ASXL3: variants seen among roughly 807,000 people sequenced by gnomAD.
The protein encoded by ASXL3 is ASXL transcriptional regulator 3.
In ASXL3, 34 loss-of-function variants were observed where a neutral mutation model predicts 170.6. The ratio of observed to expected loss-of-function variants is 0.20; its 90% CI spans 0.15 to 0.27. The LOEUF (loss-of-function observed/expected upper bound fraction) is 0.27, where lower values mean the gene tolerates loss of function less well. Among genes scored for constraint, ASXL3 ranks in the 10% least tolerant of loss-of-function variants. The pLI, the probability that ASXL3 is intolerant of heterozygous loss-of-function variation, is 1.00. For synonymous variants in ASXL3, 1,002 were observed against 989.1 expected (o/e 1.01, Z -0.24); for missense variants, 2,592 against 2,695.3 (o/e 0.96, Z 0.85).
rs779423700 is a variant in ASXL3, at chr18:33,744,692, G to C, written c.4844G>C (p.Arg1615Thr). The change falls in exon 12 of 12, where the codon AGG becomes ACG. Residue 1615 changes from arginine to threonine, a missense_variant. By Grantham distance (71) the Arg-to-Thr change is moderately conservative. Transcript: ENST00000269197. ...ATTTGCTGGAATGATGATGGGATGA[G>C]GAGCACAGGACAGCCTCTGGTTACT... The part of the protein sequence containing the change: ...NRICWNDDGM[R>T]STGQPLVTHS... The C allele has an allele frequency of 6.2e-7, 1 of 1,611,156 alleles. No homozygotes were observed. Among genetic ancestry groups the C allele is most frequent in the Admixed American group, 1.7e-5 (1 of 59,518 alleles).
chr18:33,632,245 G>A (rs12957987), intron 2 of ASXL3, among the ~76,000 whole-genome samples: 60,275 of 151,798 alleles, frequency 0.4, 12,749 homozygotes, highest in Middle Eastern at 0.48. Flanking sequence ...ATTCTTATAG[G>A]ATTTTTTTCC....
At chr18:33,695,875 A>G (rs2066766998) in intron 8 of ASXL3, among the ~76,000 whole-genome samples, 1 of 152,184 alleles carries the variant, frequency 6.6e-6, no homozygotes, top group Admixed American at 6.6e-5. Context: ...TAATATTTAC[A>G]TAATTCTCTT....
chr18:33,622,587 G>A lies in ASXL3; in HGVS notation c.137+14911G>A, dbSNP rs115281299. Among the ~76,000 whole-genome samples, 831 of 152,214 alleles carry A rather than the reference G, an allele frequency of 5.5e-3. 10 individuals carry two copies. The highest frequency in any genetic ancestry group is 0.019 in the African/African-American group (795 of 41,540). ...TTTGCATGTTGCAGTCTGAAGGTGGGTAGTCCTATGAGTTATGAGATAGCT... is the reference window on the plus strand; with the variant it reads ...TTTGCATGTTGCAGTCTGAAGGTGGATAGTCCTATGAGTTATGAGATAGCT... On this transcript the variant is annotated intron_variant, in intron 2 of 11. Transcript: ENST00000269197.
At chr18:33,594,751 T>G (rs1306732937) in intron 1 of ASXL3, among the ~76,000 whole-genome samples, 1 of 152,066 alleles carries the variant, frequency 6.6e-6, no homozygotes, top group East Asian at 1.9e-4. Flanking sequence ...TTAATTTATA[T>G]ATATATAAAT....
In ASXL3 at chr18:33,670,756, A is replaced by G. The variant is rs918352189; in HGVS notation, c.561A>G (p.Leu187=). The G allele has an allele frequency of 1.3e-6, 2 of 1,558,106 alleles. No individual in the cohort carries two copies. Among genetic ancestry groups the G allele is most frequent in the Middle Eastern group, 1.7e-4 (1 of 6,006 alleles). Residue 187 remains leucine, a synonymous_variant, in exon 6 of 12, where the codon TTA becomes TTG. Transcript: ENST00000269197. ...KTVPRVVLTP[L]KVSDEQSDSP... is the part of the protein sequence containing the mutation. ...TTCCTCGTGTTGTTTTGACACCATTAAAGGTGTCTGATGAGCAGTCGGATT... is the reference window on the plus strand; with the variant it reads ...TTCCTCGTGTTGTTTTGACACCATTGAAGGTGTCTGATGAGCAGTCGGATT...
chr18:33,619,901 G>A (rs2065483090), intron 2 of ASXL3, among the ~76,000 whole-genome samples: 1 of 152,102 alleles, frequency 6.6e-6, no homozygotes, highest in Admixed American at 6.6e-5. Context: ...GGGAGGCTAA[G>A]TTATTAACAT....
At chr18:33,725,925 C>T (rs2145382749) in intron 8 of ASXL3, among the ~76,000 whole-genome samples, 1 of 152,222 alleles carries the variant, frequency 6.6e-6, no homozygotes, top group South Asian at 2.1e-4. Flanking sequence ...GTTTCCTCTA[C>T]CTGAACAATC....
rs141022157 is a variant in ASXL3, at chr18:33,578,269, C to A, written c.-363C>A. ...GAGCGGAGCATCCCCGGAGCTGTCACCGCAGCGGCCGCGGCGGTGGCGCAG... is the reference window on the plus strand; with the variant it reads ...GAGCGGAGCATCCCCGGAGCTGTCAACGCAGCGGCCGCGGCGGTGGCGCAG... On this transcript the variant is annotated 5_prime_UTR_variant, in exon 1 of 12. Coordinates refer to ENST00000269197, the MANE Select transcript of ASXL3 (RefSeq NM_030632.3). 9,639 of 149,198 alleles carry A rather than the reference C, an allele frequency of 0.065. 1,065 individuals carry two copies. Among genetic ancestry groups the A allele is most frequent in the African/African-American group, 0.22 (9,084 of 40,966 alleles). 9.2% of individuals were successfully genotyped at this position (149,198 alleles called of 1,614,324 possible).
At chr18:33,700,523 G>A (rs942359396) in intron 8 of ASXL3, among the ~76,000 whole-genome samples, 4 of 151,940 alleles carry the variant, frequency 2.6e-5, no homozygotes, top group Non-Finnish European at 4.4e-5. Flanking sequence ...AGGGTAGGGA[G>A]GAAGGTAAGA....
intron 8 of ASXL3, among the ~76,000 whole-genome samples, chr18:33,717,964 A>G (rs1382953981): frequency 1.3e-5 from 2 of 152,034 alleles, no homozygotes; most frequent in Non-Finnish European, 2.9e-5. Flanking sequence ...GCTAAAATCT[A>G]TTGTCTTCTT....
Position 33,744,051 on chromosome 18 carries a change from A to G in ASXL3, c.4203A>G (p.Val1401=), listed in dbSNP as rs377359967. The G allele has an allele frequency of 1.2e-5, 19 of 1,613,924 alleles. No individual in the cohort carries two copies. The highest frequency in any genetic ancestry group is 1.4e-5 in the Non-Finnish European group (17 of 1,179,902). ...VRAALSCSDS[V]AVTDSLVAHP... ...CAGCCCTCAGCTGCAGTGATTCTGT[A>G]GCGGTCACAGACTCTCTGGTTGCAC... Residue 1401 remains valine (V), a synonymous_variant, in exon 12 of 12, where the codon GTA becomes GTG. Transcript: ENST00000269197.
Position 33,747,773 on chromosome 18 carries a change from G to GT in ASXL3, c.*1184dup, listed in dbSNP as rs1310871400. 6 of 152,112 alleles carry GT rather than the reference G, an allele frequency of 3.9e-5. No homozygotes were observed. Among genetic ancestry groups the GT allele is most frequent in the Non-Finnish European group, 8.8e-5 (6 of 68,002 alleles). The allele number at this position is 152,112 out of a possible 1,614,324, so 9.4% of individuals were successfully genotyped here. A position where few individuals can be genotyped will look rare whatever the true frequency, so the allele number is the denominator to read the frequency against. On this transcript the variant is annotated 3_prime_UTR_variant, in exon 12 of 12. Coordinates refer to ENST00000269197, the MANE Select transcript of ASXL3 (RefSeq NM_030632.3). ...AACTGTTCTAGGTATGGCATGTTTTGTTTTTTCCCTCAGGTATATTCAATA... is the reference window on the plus strand; with the variant it reads ...AACTGTTCTAGGTATGGCATGTTTTGTTTTTTTCCCTCAGGTATATTCAATA...
intron 1 of ASXL3, among the ~76,000 whole-genome samples, chr18:33,592,715 A>C (rs922470339): frequency 3.3e-5 from 5 of 152,190 alleles, no homozygotes; most frequent in African/African-American, 1.2e-4. Flanking sequence ...TTTTTATTCC[A>C]GGCCCACCTT....
intron 8 of ASXL3, among the ~76,000 whole-genome samples, chr18:33,715,680 G>A (rs1178120057): frequency 6.6e-6 from 1 of 152,086 alleles, no homozygotes; most frequent in Admixed American, 6.6e-5. Context: ...GAAGGATAAT[G>A]TTTTAAATCA....
At chr18:33,653,988 T>C (rs2066042748) in intron 4 of ASXL3, among the ~76,000 whole-genome samples, 1 of 152,056 alleles carries the variant, frequency 6.6e-6, no homozygotes, top group South Asian at 2.1e-4. Flanking sequence ...TTTTATCTTT[T>C]AGAGACCTCT....
intron 8 of ASXL3, among the ~76,000 whole-genome samples, chr18:33,715,032 G>A (rs2067140065): frequency 6.6e-6 from 1 of 152,056 alleles, no homozygotes; most frequent in African/African-American, 2.4e-5. Flanking sequence ...CTGGTAGAAG[G>A]CCCTGCTCCT....
chr18:33,695,717 TA>T (rs2066763582), intron 8 of ASXL3, among the ~76,000 whole-genome samples: 1 of 152,112 alleles, frequency 6.6e-6, no homozygotes, highest in Non-Finnish European at 1.5e-5. Flanking sequence ...TTAACCTGAA[TA>T]ACATACTATT....
In ASXL3 at chr18:33,744,752, A is replaced by C; in HGVS notation, c.4904A>C (p.Glu1635Ala). 6.2e-7 allele frequency: 1 copy of C among 1,614,046 alleles called. No homozygotes were observed. Among genetic ancestry groups the C allele is most frequent in the South Asian group, 1.1e-5 (1 of 91,086 alleles). The stretch of plus-strand genomic sequence containing the variant: ...TCAAGTAAACAAAAAGAATATCTAG[A>C]GCAAAGCTGTCCAAAGGCTATCAAA... Reference protein sequence around the residue: ...SGSSKQKEYLEQSCPKAIKTE... With the variant: ...SGSSKQKEYLAQSCPKAIKTE... Residue 1635 changes from glutamate to alanine, a missense_variant, in exon 12 of 12, where the codon GAG becomes GCG. Transcript: ENST00000269197.
Position 33,740,075 on chromosome 18 carries a change from G to C in ASXL3, c.2671G>C (p.Asp891His), listed in dbSNP as rs1367269737. 2 of 1,613,842 alleles carry C rather than the reference G, an allele frequency of 1.2e-6. No individual in the cohort carries two copies. Among genetic ancestry groups the C allele is most frequent in the African/African-American group, 1.3e-5 (1 of 74,940 alleles). The change falls in exon 11 of 12, where the codon GAT (aspartate) becomes CAT (histidine). Residue 891 changes from aspartate to histidine, a missense_variant. Asp to His is a moderately conservative substitution (Grantham distance 81). This residue lies in a region of ASXL3 where 2,246 missense variants were observed against 2,219.6 expected (regional missense o/e 1.01). Coordinates refer to ENST00000269197, the MANE Select transcript of ASXL3 (RefSeq NM_030632.3). ...ATTATCTGTCTTTTCTGAAGGGACA[G>C]ATAATAAGGGAAATGAGCTTCCATC... The part of the protein sequence containing the change: ...LELSVFSEGT[D>H]NKGNELPSAK...
Sources: gnomAD v4.1 joint callset for allele counts (sites outside exome capture counted in the v4.1 genomes callset) on GRCh38, gnomAD v4.1.1 for gene constraint, gnomAD v4.1.1 regional missense constraint, MANE v1.5 for transcripts, NCBI Gene and HGNC (gene_info 2026-07-23, HGNC 2026-07-21) for gene names.